LRRC8E: variants seen among roughly 807,000 people sequenced by gnomAD.
The protein encoded by LRRC8E is volume-regulated anion channel subunit LRRC8E.
A neutral mutation model predicts 6.1 loss-of-function variants in LRRC8E; 6 were observed. The ratio of observed to expected loss-of-function variants is 0.98; its 90% confidence interval spans 0.54 to 1.93. The LOEUF is 1.93. LRRC8E is among the 30% of genes most tolerant of loss of function. LRRC8E has a pLI of 0.01. For missense variants in LRRC8E, 1,028 were observed against 1,031.4 expected (o/e 1.00, Z 0.04); for synonymous variants, 485 against 472.8 (o/e 1.03, Z -0.33).
chr19:7,895,535 C>A lies in LRRC8E; in HGVS notation c.-5-64C>A, dbSNP rs1181392763. ...GCCTGTGTCCGGCTCCTCGGAGGACCCCCTGCAGAGCCTCCCATCCTGAGG... is the reference window on the plus strand; with the variant it reads ...GCCTGTGTCCGGCTCCTCGGAGGACACCCTGCAGAGCCTCCCATCCTGAGG... On this transcript the variant is annotated intron_variant, in intron 1 of 2. Coordinates refer to ENST00000306708, the MANE Select transcript of LRRC8E (RefSeq NM_025061.6). The surrounding 1 kb of genome is among the most constrained non-coding windows in gnomAD (Gnocchi z 4.7). The A allele has an allele frequency of 3.8e-6, 6 of 1,576,002 alleles. No homozygotes were observed. In the Admixed American group the frequency reaches 1.0e-4, roughly 27 times the overall value.
At position 7,895,744 on chromosome 19, in the gene LRRC8E, G is replaced by A. The variant is rs1981552524; in HGVS notation, c.138+3G>A. 6.2e-7 allele frequency: 1 copy of A among 1,612,210 alleles called. No homozygotes were observed. The highest frequency in any genetic ancestry group is 8.5e-7 in the Non-Finnish European group (1 of 1,178,454). Reference sequence around the variant, plus strand: ...GGGTCTTTGGCTGCACCCTCCAGGTGAGGCCCTCCCCTGGCAAGGGGGTGT... The same window carrying A: ...GGGTCTTTGGCTGCACCCTCCAGGTAAGGCCCTCCCCTGGCAAGGGGGTGT... On this transcript the variant is annotated splice_donor_region_variant and intron_variant, in intron 2 of 2. Coordinates refer to ENST00000306708, the MANE Select transcript of LRRC8E (RefSeq NM_025061.6). This position sits in a 1 kb window ranked among gnomAD's most constrained non-coding sequence, Gnocchi z 4.7.
rs755198062 is a variant in LRRC8E, at chr19:7,900,425, C to T, written c.1903C>T (p.Leu635Phe). ...SFQHCRKLVT[L>F]RLWHNQIAYV... ...CCAGCACTGCCGGAAGCTGGTCACG[C>T]TCAGGCTGTGGCACAACCAGATCGC... The change falls in exon 3 of 3, where the codon CTC (leucine) becomes TTC (phenylalanine). Residue 635 changes from leucine (L) to phenylalanine (F), a missense_variant. Transcript: ENST00000306708. This position sits in a 1 kb window ranked among gnomAD's most constrained non-coding sequence, Gnocchi z 5.0. 7.4e-6 allele frequency: 12 copies of T among 1,612,856 alleles called. No individual in the cohort carries two copies. In the East Asian group the frequency reaches 2.7e-4, roughly 36 times the overall value.
In LRRC8E at chr19:7,898,705, G is replaced by C. The variant is rs1459990400; in HGVS notation, c.183G>C (p.Gln61His). Residue 61 changes from glutamine (Q) to histidine (H), a missense_variant, in exon 3 of 3, where the codon CAG becomes CAC. By Grantham distance (24) the Gln-to-His change is conservative (BLOSUM62 0). Transcript: ENST00000306708. Reference sequence around the variant, plus strand: ...TCTGTCTACCCAATCATGAGCTCCAGGAGAACTTATCAGAGGCCCCGTGCC... The same window carrying C: ...TCTGTCTACCCAATCATGAGCTCCACGAGAACTTATCAGAGGCCCCGTGCC... ...KIICLPNHELQENLSEAPCQQ... is the reference protein window; with the variant it reads ...KIICLPNHELHENLSEAPCQQ... 6.2e-7 allele frequency: 1 copy of C among 1,613,474 alleles called. No homozygotes were observed. Among genetic ancestry groups the C allele is most frequent in the Non-Finnish European group, 8.5e-7 (1 of 1,179,670 alleles).
In LRRC8E at chr19:7,900,219, A is replaced by G. The variant is rs1405366239; in HGVS notation, c.1697A>G (p.His566Arg). 6.2e-7 allele frequency: 1 copy of G among 1,613,174 alleles called. No individual in the cohort carries two copies. The highest frequency in any genetic ancestry group is 1.1e-5 in the South Asian group (1 of 91,066). The stretch of plus-strand genomic sequence containing the variant: ...GGCCACCTGCAGAGGCTCAGCCTGC[A>G]CAACGATGGGGCCCGTCTGGTTGCC... ...VAGHLQRLSL[H>R]NDGARLVALN... The change falls in exon 3 of 3, where the codon CAC becomes CGC. Residue 566 changes from histidine to arginine, a missense_variant. Physicochemically the swap from His to Arg is conservative, Grantham distance 29. Transcript: ENST00000306708. The surrounding 1 kb of genome is among the most constrained non-coding windows in gnomAD (Gnocchi z 5.0).
rs1281563634 is a variant in LRRC8E, at chr19:7,901,223, C to T, written c.*310C>T. The T allele has an allele frequency of 7.9e-6, 2 of 252,294 alleles. No individual in the cohort carries two copies. Among genetic ancestry groups the T allele is most frequent in the African/African-American group, 2.2e-5 (1 of 44,734 alleles). 15.6% of individuals were successfully genotyped at this position (252,294 alleles called of 1,614,324 possible). ...TTGCTCCCATCCCTAGAACTGCTGCCTCTCCCTGGATATTCCAGCTCAATT... is the reference window on the plus strand; with the variant it reads ...TTGCTCCCATCCCTAGAACTGCTGCTTCTCCCTGGATATTCCAGCTCAATT... On this transcript the variant is annotated 3_prime_UTR_variant, in exon 3 of 3. Coordinates refer to ENST00000306708, the MANE Select transcript of LRRC8E (RefSeq NM_025061.6).
At chr19:7,894,135 G>T (rs1166147510) in intron 1 of LRRC8E, among the ~76,000 whole-genome samples, 1 of 152,150 alleles carries the variant, frequency 6.6e-6, no homozygotes, top group Non-Finnish European at 1.5e-5. Flanking sequence ...ATTCTTCCTG[G>T]GGAGATGGAT....
chr19:7,894,657 G>A (rs1568263452), intron 1 of LRRC8E, among the ~76,000 whole-genome samples: 1 of 152,204 alleles, frequency 6.6e-6, no homozygotes, highest in Non-Finnish European at 1.5e-5. Flanking sequence ...TGGGGAAGTA[G>A]GTACCTGCCT....
chr19:7,889,425 G>A (rs1012804806), intron 1 of LRRC8E, among the ~76,000 whole-genome samples: 5 of 144,686 alleles, frequency 3.5e-5, no homozygotes, highest in Admixed American at 2.9e-4. Context: ...CTGGGCAACA[G>A]AGCGACACTC....
In LRRC8E at chr19:7,898,966, C is replaced by T. The variant is rs1176914620; in HGVS notation, c.444C>T (p.His148=). 2.5e-6 allele frequency: 4 copies of T among 1,614,064 alleles called. No individual in the cohort carries two copies. The South Asian group carries it at 3.3e-5, about 13-fold the overall frequency. Residue 148 remains histidine (H), a synonymous_variant, in exon 3 of 3, where the codon CAC becomes CAT. Coordinates refer to ENST00000306708, the MANE Select transcript of LRRC8E (RefSeq NM_025061.6). ...CTGGCACCAGCTCCAAGATTGAACA[C>T]TTCATCTCCATCCTGGGCAAGTGTT... ...KFPGTSSKIE[H]FISILGKCFD...
Position 7,899,611 on chromosome 19 carries a change from C to T in LRRC8E, c.1089C>T (p.Phe363=), listed in dbSNP as rs562985130. The T allele has an allele frequency of 1.4e-5, 22 of 1,613,672 alleles. No homozygotes were observed. The highest frequency in any genetic ancestry group is 1.8e-5 in the Non-Finnish European group (21 of 1,180,034). ...ACATTCCTGACGTCAAGAATGACTT[C>T]GCCTTCATGCTGCACCTCATCGATC... ...MGDIPDVKND[F]AFMLHLIDQY... is the part of the protein sequence containing the mutation. Residue 363 remains phenylalanine (F), a synonymous_variant, in exon 3 of 3, where the codon TTC becomes TTT. Coordinates refer to ENST00000306708, the MANE Select transcript of LRRC8E (RefSeq NM_025061.6).
At chr19:7,896,208 G>C (rs1981581070) in intron 2 of LRRC8E, among the ~76,000 whole-genome samples, 1 of 150,678 alleles carries the variant, frequency 6.6e-6, no homozygotes, top group Non-Finnish European at 1.5e-5. Context: ...CCAAAGTGTT[G>C]GGATTACAGG....
chr19:7,896,417 C>T (rs1981597015), intron 2 of LRRC8E, among the ~76,000 whole-genome samples: 1 of 149,260 alleles, frequency 6.7e-6, no homozygotes, highest in Admixed American at 6.7e-5. Context: ...TTACTAAAGA[C>T]ACAAATATTA....
chr19:7,892,572 T>G (rs1397800859), intron 1 of LRRC8E, among the ~76,000 whole-genome samples: 2 of 152,174 alleles, frequency 1.3e-5, no homozygotes, highest in Non-Finnish European at 2.9e-5. Flanking sequence ...GAGGACTCAA[T>G]GGATGGCCGG....
chr19:7,894,519 G>C (rs1011761793), intron 1 of LRRC8E, among the ~76,000 whole-genome samples: 1 of 152,188 alleles, frequency 6.6e-6, no homozygotes, highest in Non-Finnish European at 1.5e-5. Flanking sequence ...GAGCCACCGC[G>C]CCCAGCCCCA....
intron 2 of LRRC8E, among the ~76,000 whole-genome samples, chr19:7,897,948 T>C (rs1389298258): frequency 6.6e-6 from 1 of 152,084 alleles, no homozygotes; most frequent in African/African-American, 2.4e-5. Context: ...TGGTGGCTCA[T>C]TCCTGTAATC....
Position 7,900,163 on chromosome 19 carries a change from G to A in LRRC8E, c.1641G>A (p.Gly547=). ...TGTTGTCCCTCCGGAGCAACGCCGG[G>A]AAGGTGCCAGCCAGTGTGACCGACG... is the stretch of plus-strand genomic sequence containing the variant. ...LKVLSLRSNA[G]KVPASVTDVA... is the part of the protein sequence containing the mutation. The change falls in exon 3 of 3, where the codon GGG becomes GGA. Residue 547 remains glycine, a synonymous_variant. Coordinates refer to ENST00000306708, the MANE Select transcript of LRRC8E (RefSeq NM_025061.6). This position sits in a 1 kb window ranked among gnomAD's most constrained non-coding sequence, Gnocchi z 5.0. 6.2e-7 allele frequency: 1 copy of A among 1,613,030 alleles called. No homozygotes were observed. Among genetic ancestry groups the A allele is most frequent in the South Asian group, 1.1e-5 (1 of 91,084 alleles).
chr19:7,896,546 C>T (rs1281843866), intron 2 of LRRC8E, among the ~76,000 whole-genome samples: 1 of 150,592 alleles, frequency 6.6e-6, no homozygotes, highest in Non-Finnish European at 1.5e-5. Flanking sequence ...TGCACTCCAG[C>T]CTGGGTGACA....
intron 1 of LRRC8E, among the ~76,000 whole-genome samples, chr19:7,889,441 CA>C (rs113557470): frequency 0.35 from 49,090 of 141,018 alleles, 8,515 homozygotes; most frequent in East Asian, 0.53. Flanking sequence ...CACTCCATCT[CA>C]AAAAAAAAAA....
intron 2 of LRRC8E, 133 bp from the exon 3 acceptor site, chr19:7,898,528 T>C (rs1981726184): frequency 1.3e-6 from 1 of 760,308 alleles, no homozygotes; most frequent in Admixed American, 2.4e-5. Context: ...CCCGGCTAAT[T>C]TTGTATTTTT....
Sources: allele counts gnomAD v4.1 joint callset (sites outside exome capture counted in the v4.1 genomes callset), GRCh38; gene constraint gnomAD v4.1.1; non-coding constraint Gnocchi (gnomAD v3.1); transcripts MANE v1.5; gene names NCBI Gene and HGNC (gene_info 2026-07-23, HGNC 2026-07-21).